DNASE2B: variants seen among roughly 807,000 people sequenced by gnomAD.
DNASE2B encodes the protein deoxyribonuclease-2-beta.
A neutral mutation model predicts 46.0 loss-of-function variants in DNASE2B; 43 were observed. The observed-to-expected ratio is 0.94, with a 90% CI of 0.73 to 1.21. The LOEUF (loss-of-function observed/expected upper bound fraction) is 1.21, where lower values mean the gene tolerates loss of function less well. Among genes scored for constraint, DNASE2B ranks in the 50% most tolerant of loss-of-function variants. The probability of loss-of-function intolerance (pLI) is 0.00; values close to 1 mark genes in which losing one functional copy is unlikely to be tolerated. For missense variants in DNASE2B, 395 were observed against 414.4 expected, an observed-to-expected ratio of 0.95 and a Z score of 0.41; for synonymous variants, 156 against 152.5, an observed-to-expected ratio of 1.02 and a Z score of -0.17.
chr1:84,398,590 T>C lies in DNASE2B; in HGVS notation c.26T>C (p.Leu9Pro). ...ATGAAACAGAAAATGATGGCAAGAC[T>C]GCTAAGAACATCCTTTGCTTTGCTC... MKQKMMAR[L>P]LRTSFALLFL... The change falls in exon 1 of 6, where the codon CTG (leucine) becomes CCG (proline). Residue 9 changes from leucine to proline, a missense_variant. Physicochemically the swap from Leu to Pro is moderately conservative, Grantham distance 98. Coordinates refer to ENST00000370665, the MANE Select transcript of DNASE2B (RefSeq NM_021233.3). 2 of 1,613,880 alleles carry C rather than the reference T, an allele frequency of 1.2e-6. No homozygotes were observed. Among genetic ancestry groups the C allele is most frequent in the African/African-American group, 1.3e-5 (1 of 75,032 alleles).
chr1:84,411,428 GTGT>G (rs1680590687), intron 4 of DNASE2B, among the ~76,000 whole-genome samples: 1 of 4,754 alleles, frequency 2.1e-4, no homozygotes, highest in African/African-American at 2.7e-4. Context: ...AACCTAGGGT[GTGT>G]GTGTGTGTGT....
chr1:84,412,604 G>A, intron 5 of DNASE2B, 58 bp downstream of exon 5: 6 of 1,368,028 alleles, frequency 4.4e-6, no homozygotes, highest in South Asian at 1.7e-5. Flanking sequence ...AACTGACTAG[G>A]GATAGCTTAG....
rs373893182 is a variant in DNASE2B at position 84,410,059 on chromosome 1, G to T, written c.386-779G>T. Among the ~76,000 whole-genome samples, 9 of 152,194 alleles carry T rather than the reference G, an allele frequency of 5.9e-5. No individual in the cohort carries two copies. The East Asian group carries it at 7.7e-4, about 13-fold the overall frequency. On this transcript the variant is annotated intron_variant, in intron 3 of 5. Coordinates refer to ENST00000370665, the MANE Select transcript of DNASE2B (RefSeq NM_021233.3). ...TTTAATCTAACACTTAGGCAAACAC[G>T]AGTGAATCTTATGTTTGCATAGTCA...
At position 84,399,521 on chromosome 1, in the gene DNASE2B, A is replaced by G. The variant is rs190634985; in HGVS notation, c.125+832A>G. On this transcript the variant is annotated intron_variant, in intron 1 of 5. Transcript: ENST00000370665. ...TAAGGGCATAGGTGGAACACTGGGGAACAGAGAGCCCAGAAAACTTCTCTA... is the reference window on the plus strand; with the variant it reads ...TAAGGGCATAGGTGGAACACTGGGGGACAGAGAGCCCAGAAAACTTCTCTA... 2.3e-3 allele frequency among the ~76,000 whole-genome samples: 351 copies of G among 152,272 alleles called. 6 individuals are homozygous for G. Among genetic ancestry groups the G allele is most frequent in the Non-Finnish European group, 4.6e-4 (31 of 68,032 alleles).
intron 2 of DNASE2B, among the ~76,000 whole-genome samples, chr1:84,404,666 C>T (rs1326516314): frequency 6.6e-6 from 1 of 152,168 alleles, no homozygotes; most frequent in Non-Finnish European, 1.5e-5. Context: ...GTGGCACTAT[C>T]CAATACCAAA....
chr1:84,404,264 G>A (rs1034728710), intron 2 of DNASE2B, among the ~76,000 whole-genome samples: 13 of 152,004 alleles, frequency 8.6e-5, no homozygotes, highest in African/African-American at 2.9e-4. Flanking sequence ...AATTTCTCCA[G>A]GAATCATATC....
intron 3 of DNASE2B, among the ~76,000 whole-genome samples, 163 bp from the exon 4 acceptor site, chr1:84,410,675 A>T (rs1680572242): frequency 6.6e-6 from 1 of 152,232 alleles, no homozygotes; most frequent in Admixed American, 6.5e-5. Flanking sequence ...ATGTGCCAGA[A>T]TTGTATTTGA....
intron 2 of DNASE2B, among the ~76,000 whole-genome samples, chr1:84,403,101 ATG>A (rs764226379): frequency 3.3e-5 from 5 of 152,220 alleles, no homozygotes; most frequent in Non-Finnish European, 7.3e-5. Flanking sequence ...AGAACATGTG[ATG>A]TGCCAAGCAC....
chr1:84,398,584 C>T lies in DNASE2B; in HGVS notation c.20C>T (p.Ala7Val). Residue 7 changes from alanine to valine, a missense_variant, in exon 1 of 6, where the codon GCA becomes GTA. Ala to Val is a moderately conservative substitution (Grantham distance 64). Transcript: ENST00000370665. ...AAATAAATGAAACAGAAAATGATGG[C>T]AAGACTGCTAAGAACATCCTTTGCT... is the stretch of plus-strand genomic sequence containing the variant. Reference protein sequence around the residue: MKQKMMARLLRTSFALL... With the variant: MKQKMMVRLLRTSFALL... 4 of 1,613,776 alleles carry T rather than the reference C, an allele frequency of 2.5e-6. No individual in the cohort carries two copies. The highest frequency in any genetic ancestry group is 3.4e-6 in the Non-Finnish European group (4 of 1,179,754).
intron 4 of DNASE2B, among the ~76,000 whole-genome samples, chr1:84,411,776 A>C (rs1455605858): frequency 6.6e-6 from 1 of 152,174 alleles, no homozygotes; most frequent in Non-Finnish European, 1.5e-5. Context: ...ATCTTATGGC[A>C]AGGATCACTG....
At chr1:84,409,821 T>C (rs1458259284) in intron 3 of DNASE2B, among the ~76,000 whole-genome samples, 7 of 152,182 alleles carry the variant, frequency 4.6e-5, no homozygotes, top group Admixed American at 2.0e-4. Flanking sequence ...TAATATCCTA[T>C]GGCATTTGTA....
chr1:84,414,815 C>G lies in DNASE2B; in HGVS notation c.1033C>G (p.Gln345Glu). 1 of 1,614,130 alleles carries G rather than the reference C, an allele frequency of 6.2e-7. No individual in the cohort carries two copies. The highest frequency in any genetic ancestry group is 8.5e-7 in the Non-Finnish European group (1 of 1,180,004). Reference protein sequence around the residue: ...SGGFICTQNWQIYQAFQGLVL... With the variant: ...SGGFICTQNWEIYQAFQGLVL... ...AGGATTCATTTGTACCCAGAATTGG[C>G]AAATTTACCAAGCATTTCAAGGATT... Residue 345 changes from glutamine (Q) to glutamate (E), a missense_variant, in exon 6 of 6, where the codon CAA becomes GAA. Gln to Glu is a conservative substitution (Grantham distance 29). Transcript: ENST00000370665.
chr1:84,406,521 G>T (rs2101850062), intron 2 of DNASE2B, among the ~76,000 whole-genome samples: 1 of 152,240 alleles, frequency 6.6e-6, no homozygotes, highest in South Asian at 2.1e-4. Context: ...GAGAAAGACT[G>T]GGGTAAGGCC....
rs12057426 is a variant in DNASE2B, at chr1:84,405,996, T to C, written c.304-2441T>C. ...AAAAATAGACTAGTATCTACATATA[T>C]TGTATGCATTCATAATGTATCTAAC... On this transcript the variant is annotated intron_variant, in intron 2 of 5. Transcript: ENST00000370665. Among the ~76,000 whole-genome samples the C allele has an allele frequency of 4.1e-3, 631 of 152,302 alleles. 8 individuals are homozygous for C. Among genetic ancestry groups the C allele is most frequent in the African/African-American group, 0.015 (613 of 41,572 alleles).
rs570370636 is a variant in DNASE2B at position 84,414,740 on chromosome 1, A to T, written c.958A>T (p.Thr320Ser). The T allele has an allele frequency of 1.6e-5, 26 of 1,614,230 alleles. No individual in the cohort carries two copies. In the South Asian group the frequency reaches 2.9e-4, roughly 18 times the overall value. ...ISQKGTKNRW[T>S]CIGDLNRSPH... Reference sequence around the variant, plus strand: ...CCAAAAGGGCACCAAAAATCGCTGGACATGTATTGGAGACCTAAATCGGAG... The same window carrying T: ...CCAAAAGGGCACCAAAAATCGCTGGTCATGTATTGGAGACCTAAATCGGAG... Residue 320 changes from threonine (T) to serine (S), a missense_variant, in exon 6 of 6, where the codon ACA (threonine) becomes TCA (serine). Physicochemically the swap from Thr to Ser is moderately conservative, Grantham distance 58. Transcript: ENST00000370665.
At chr1:84,408,957 C>T (rs1680542638) in intron 3 of DNASE2B, among the ~76,000 whole-genome samples, 1 of 151,512 alleles carries the variant, frequency 6.6e-6, no homozygotes, top group South Asian at 2.1e-4. Flanking sequence ...ACATACAGTT[C>T]CCTTGGAAAT....
chr1:84,409,062 A>T (rs1281266503), intron 3 of DNASE2B, among the ~76,000 whole-genome samples: 1 of 151,892 alleles, frequency 6.6e-6, no homozygotes, highest in African/African-American at 2.4e-5. Context: ...TCCTTTCACA[A>T]TTTTTTTATT....
At chr1:84,412,277 G>T in intron 4 of DNASE2B, 72 bp from the exon 5 acceptor site, 1 of 1,279,194 alleles carries the variant, frequency 7.8e-7, no homozygotes, top group South Asian at 2.1e-5. Flanking sequence ...TCCACAAAAA[G>T]ATCTATAATA....
At chr1:84,401,363 A>C (rs1467022187) in intron 1 of DNASE2B, among the ~76,000 whole-genome samples, 4 of 152,226 alleles carry the variant, frequency 2.6e-5, no homozygotes, top group Non-Finnish European at 5.9e-5. Context: ...CCTCCCTGTG[A>C]GATATCCAAG....
Sources: gnomAD v4.1 joint callset for allele counts (sites outside exome capture counted in the v4.1 genomes callset) on GRCh38, gnomAD v4.1.1 for gene constraint, MANE v1.5 for transcripts, NCBI Gene and HGNC (gene_info 2026-07-23, HGNC 2026-07-21) for gene names.